ADCY8: variants seen among roughly 807,000 people sequenced by gnomAD.
ADCY8 encodes adenylate cyclase 8.
ADCY8 carries 51 observed loss-of-function variants against 119.7 expected under a neutral mutation model. That is an observed-to-expected ratio of 0.43 (90% CI 0.34 to 0.54). The LOEUF (loss-of-function observed/expected upper bound fraction) is 0.54, where lower values mean the gene tolerates loss of function less well. Among genes scored for constraint, ADCY8 ranks in the 20% least tolerant of loss-of-function variants. The pLI, the probability that ADCY8 is intolerant of heterozygous loss-of-function variation, is 0.03. For missense variants in ADCY8, 1,383 were observed against 1,598.8 expected, an observed-to-expected ratio of 0.87 and a Z score of 2.30; for synonymous variants, 665 against 651.0, an observed-to-expected ratio of 1.02 and a Z score of -0.33.
chr8:130,820,750 C>T (rs1349704444), intron 13 of ADCY8, among the ~76,000 whole-genome samples: 2 of 152,168 alleles, frequency 1.3e-5, no homozygotes, highest in Admixed American at 6.5e-5. Context: ...AAGCATAATC[C>T]ATATGGCAGG....
chr8:131,006,023 C>A (rs1341097794), intron 1 of ADCY8, among the ~76,000 whole-genome samples: 1 of 152,090 alleles, frequency 6.6e-6, no homozygotes, highest in Non-Finnish European at 1.5e-5. Context: ...CAAATTCTCT[C>A]TCTCTCTCTC....
rs919359049 is a variant in ADCY8 at position 130,903,711 on chromosome 8, G to A, written c.1911+61C>T. On this transcript the variant is annotated intron_variant, in intron 7 of 17. Transcript: ENST00000286355. ...GAATCAGTTTTCTCTGAGGTGTCTGGATTGGAGATGCACACGAGCATGCAT... is the reference window on the plus strand; with the variant it reads ...GAATCAGTTTTCTCTGAGGTGTCTGAATTGGAGATGCACACGAGCATGCAT... 2.5e-6 allele frequency: 4 copies of A among 1,576,504 alleles called. No individual in the cohort carries two copies. The African/African-American group carries it at 5.4e-5, about 21-fold the overall frequency.
At chr8:130,807,712 C>T (rs55770487) in intron 14 of ADCY8, among the ~76,000 whole-genome samples, 30,914 of 151,676 alleles carry the variant, frequency 0.2, 3,651 homozygotes, top group Middle Eastern at 0.38. Flanking sequence ...TCGCCGGGCG[C>T]GGTGGCTCAT....
Position 131,039,761 on chromosome 8 carries a change from C to T in ADCY8, c.573G>A (p.Leu191=), listed in dbSNP as rs745750170. The change falls in exon 1 of 18, where the codon CTG becomes CTA. Residue 191 remains leucine, a synonymous_variant. Transcript: ENST00000286355. Reference sequence around the variant, plus strand: ...GTAGGACCAAGAGAGTGAGTTTGGTCAGCACGTCCAGCACGTTCATCACCA... The same window carrying T: ...GTAGGACCAAGAGAGTGAGTTTGGTTAGCACGTCCAGCACGTTCATCACCA... The part of the protein sequence containing the change: ...SEVVMNVLDV[L]TKLTLLVLHL... 6.8e-6 allele frequency: 11 copies of T among 1,614,058 alleles called. No individual in the cohort carries two copies. In the South Asian group the frequency reaches 9.9e-5, roughly 14 times the overall value.
intron 7 of ADCY8, among the ~76,000 whole-genome samples, chr8:130,896,035 G>A (rs1819376010): frequency 6.6e-6 from 1 of 152,084 alleles, no homozygotes; most frequent in Non-Finnish European, 1.5e-5. Flanking sequence ...TGGTGGACTT[G>A]CTTTTTCTCC....
chr8:130,936,467 C>T (rs966620789), intron 5 of ADCY8, among the ~76,000 whole-genome samples: 1 of 152,130 alleles, frequency 6.6e-6, no homozygotes, highest in South Asian at 2.1e-4. Context: ...GCCTACAGTC[C>T]ATCTGTCACT....
At chr8:130,807,031 G>T (rs541031021) in intron 14 of ADCY8, among the ~76,000 whole-genome samples, 35 of 152,310 alleles carry the variant, frequency 2.3e-4, no homozygotes, top group South Asian at 1.2e-3. Flanking sequence ...AAACTGGGGA[G>T]GAATTGATGA....
intron 1 of ADCY8, among the ~76,000 whole-genome samples, chr8:131,014,978 G>T (rs149908285): frequency 6.6e-6 from 1 of 152,150 alleles, no homozygotes; most frequent in South Asian, 2.1e-4. Context: ...AAAATGGGAC[G>T]TATTTCAGAG....
chr8:130,886,751 CTCACTG>C (rs1368057830), intron 7 of ADCY8, among the ~76,000 whole-genome samples: 3 of 152,098 alleles, frequency 2.0e-5, no homozygotes, highest in Admixed American at 1.3e-4. Flanking sequence ...TTAGGCATCT[CTCACTG>C]TCTGATATTT....
intron 7 of ADCY8, among the ~76,000 whole-genome samples, chr8:130,897,004 C>T (rs1327297220): frequency 4.6e-5 from 7 of 152,058 alleles, no homozygotes; most frequent in East Asian, 3.9e-4. Context: ...ATGAGGACAC[C>T]GAGCCTTGGA....
chr8:130,915,706 C>T (rs1820105335), intron 5 of ADCY8, among the ~76,000 whole-genome samples: 1 of 152,080 alleles, frequency 6.6e-6, no homozygotes, highest in Non-Finnish European at 1.5e-5. Context: ...GGAAGTAATA[C>T]CATTTTTCAA....
chr8:130,952,402 T>C (rs1821301423), intron 2 of ADCY8, among the ~76,000 whole-genome samples: 1 of 152,212 alleles, frequency 6.6e-6, no homozygotes, highest in African/African-American at 2.4e-5. Flanking sequence ...AAGGAACTGA[T>C]ATTTAAAATT....
At chr8:130,799,083 C>T (rs188116540) in intron 15 of ADCY8, among the ~76,000 whole-genome samples, 40 of 152,118 alleles carry the variant, frequency 2.6e-4, no homozygotes, top group Admixed American at 2.4e-3. Context: ...AATCTAAAAA[C>T]GTCAAACTCA....
intron 2 of ADCY8, among the ~76,000 whole-genome samples, chr8:130,982,960 G>T (rs1822283181): frequency 6.6e-6 from 1 of 152,186 alleles, no homozygotes; most frequent in Non-Finnish European, 1.5e-5. Context: ...ACTGGACAGA[G>T]TAGAGATTTT....
intron 1 of ADCY8, 153 bp from the exon 2 acceptor site, chr8:130,990,695 G>T: frequency 1.1e-6 from 1 of 919,418 alleles, no homozygotes; most frequent in Non-Finnish European, 1.5e-6. Context: ...CCTTCATTCA[G>T]ATCTTGAGGC....
chr8:131,028,585 T>C (rs920402889), intron 1 of ADCY8, among the ~76,000 whole-genome samples: 4 of 152,222 alleles, frequency 2.6e-5, no homozygotes, highest in Admixed American at 6.5e-5. Flanking sequence ...ATGACCGTTT[T>C]TGGGACTTTA....
At chr8:130,813,721 T>C (rs1008162642) in intron 14 of ADCY8, among the ~76,000 whole-genome samples, 6 of 152,186 alleles carry the variant, frequency 3.9e-5, no homozygotes, top group Non-Finnish European at 7.3e-5. Context: ...GACCCTTTTT[T>C]CAATTATTTT....
chr8:130,808,958 A>G (rs1359694724), intron 14 of ADCY8, among the ~76,000 whole-genome samples: 2 of 86,116 alleles, frequency 2.3e-5, no homozygotes, highest in South Asian at 4.9e-4. Flanking sequence ...CCTGCTTGAC[A>G]TTGATGAGAT....
chr8:130,792,547 G>A (rs1586417278), intron 15 of ADCY8, among the ~76,000 whole-genome samples: 1 of 152,076 alleles, frequency 6.6e-6, no homozygotes, highest in East Asian at 1.9e-4. Flanking sequence ...CCCCATCTTG[G>A]TTAGTGGTGT....
Sources: allele counts gnomAD v4.1 joint callset (sites outside exome capture counted in the v4.1 genomes callset), GRCh38; gene constraint gnomAD v4.1.1; transcripts MANE v1.5; gene names NCBI Gene and HGNC (gene_info 2026-07-23, HGNC 2026-07-21).